Variants in APBA2 observed in about 807,000 individuals in gnomAD.
APBA2 encodes amyloid-beta A4 precursor protein-binding family A member 2.
Under a neutral mutation model 75.0 loss-of-function variants are expected in APBA2, and 30 were observed. The observed-to-expected ratio is 0.40, with a 90% CI of 0.30 to 0.54. The LOEUF is 0.54. APBA2 is among the 20% of genes least tolerant of loss of function. The pLI, the probability that APBA2 is intolerant of heterozygous loss-of-function variation, is 0.49. For missense variants in APBA2, 801 were observed against 1,016.1 expected, an observed-to-expected ratio of 0.79 and a Z score of 2.88; for synonymous variants, 444 against 409.6, an observed-to-expected ratio of 1.08 and a Z score of -1.01.
chr15:28,985,119 A>G (rs1287559493), intron 2 of APBA2, among the ~76,000 whole-genome samples: 1 of 152,002 alleles, frequency 6.6e-6, no homozygotes, highest in Non-Finnish European at 1.5e-5. Flanking sequence ...TGGTGACATC[A>G]CACCCTTCAG....
At chr15:29,045,684 GA>G (rs2041289423) in intron 3 of APBA2, among the ~76,000 whole-genome samples, 1 of 152,150 alleles carries the variant, frequency 6.6e-6, no homozygotes, top group African/African-American at 2.4e-5. Flanking sequence ...ATGCAAAAGA[GA>G]TGCACAGATA....
chr15:29,016,046 CAA>C (rs1365261687), intron 3 of APBA2, among the ~76,000 whole-genome samples: 1 of 152,190 alleles, frequency 6.6e-6, no homozygotes, highest in Non-Finnish European at 1.5e-5. Flanking sequence ...ATCACAAGGT[CAA>C]GAGATCGAGA....
At chr15:28,946,205 G>A (rs867886836) in intron 2 of APBA2, among the ~76,000 whole-genome samples, 4 of 152,212 alleles carry the variant, frequency 2.6e-5, no homozygotes, top group African/African-American at 9.6e-5. Flanking sequence ...TAGCTGTGGC[G>A]CCTGTAAATC....
At chr15:29,006,807 C>T (rs1443944842) in intron 3 of APBA2, among the ~76,000 whole-genome samples, 6 of 152,254 alleles carry the variant, frequency 3.9e-5, no homozygotes, top group South Asian at 2.1e-4. Context: ...CAAGATTTGG[C>T]GTGGGACATA....
chr15:28,984,830 C>T (rs571509225), intron 2 of APBA2, among the ~76,000 whole-genome samples: 2 of 149,748 alleles, frequency 1.3e-5, no homozygotes, highest in Non-Finnish European at 3.0e-5. Context: ...ACTGCCATCT[C>T]TGGAGGTTGG....
At chr15:29,003,372 C>T (rs1342545506) in intron 3 of APBA2, among the ~76,000 whole-genome samples, 1 of 152,208 alleles carries the variant, frequency 6.6e-6, no homozygotes, top group Admixed American at 6.5e-5. Flanking sequence ...GCTTCAAAAG[C>T]TAATGCAGGT....
chr15:28,928,820 A>G (rs1209715945), intron 2 of APBA2, among the ~76,000 whole-genome samples: 1 of 152,074 alleles, frequency 6.6e-6, no homozygotes, highest in African/African-American at 2.4e-5. Context: ...AGCCCATGAA[A>G]GTTTTGGGCC....
chr15:29,014,899 C>G (rs1440669981), intron 3 of APBA2, among the ~76,000 whole-genome samples: 3 of 152,106 alleles, frequency 2.0e-5, no homozygotes, highest in Non-Finnish European at 4.4e-5. Context: ...GAAACATCTA[C>G]ATGTGTTTTT....
rs534368342 is a variant in APBA2, at chr15:29,072,205, T to C, written c.952-2716T>C. Among the ~76,000 whole-genome samples, 295 of 152,286 alleles carry C rather than the reference T, an allele frequency of 1.9e-3. 3 individuals carry two copies. The highest frequency in any genetic ancestry group is 0.014 in the Middle Eastern group (4 of 294). ...TTTGCTGGTGGGCTGGTTGATTTCT[T>C]TGGGGTTTTTTTGGAGATGACCAGC... On this transcript the variant is annotated intron_variant, in intron 4 of 14. Transcript: ENST00000683413.
chr15:28,925,261 G>A (rs545448155), intron 2 of APBA2, among the ~76,000 whole-genome samples: 19 of 152,238 alleles, frequency 1.2e-4, no homozygotes, highest in African/African-American at 3.6e-4. Context: ...CTTTTTAAAC[G>A]TTGTTAGATT....
At chr15:28,913,369 G>A (rs1172923749) in intron 1 of APBA2, among the ~76,000 whole-genome samples, 1 of 152,170 alleles carries the variant, frequency 6.6e-6, no homozygotes, top group African/African-American at 2.4e-5. Context: ...GCAGTGGCCC[G>A]TGCCCACCAC....
intron 3 of APBA2, among the ~76,000 whole-genome samples, chr15:29,005,363 C>T (rs1305329215): frequency 1.3e-5 from 2 of 152,060 alleles, no homozygotes; most frequent in East Asian, 1.9e-4. Flanking sequence ...TGGGCTCAAG[C>T]GGTCCTCCCA....
intron 3 of APBA2, among the ~76,000 whole-genome samples, chr15:29,049,283 G>T (rs1047982734): frequency 6.6e-6 from 1 of 152,170 alleles, no homozygotes; most frequent in Admixed American, 6.5e-5. Flanking sequence ...AATCACTGGG[G>T]TAACCATCGT....
At chr15:29,080,650 A>G (rs2043047168) in intron 6 of APBA2, among the ~76,000 whole-genome samples, 1 of 152,164 alleles carries the variant, frequency 6.6e-6, no homozygotes, top group Non-Finnish European at 1.5e-5. Flanking sequence ...CACCCTCAAG[A>G]TGTCCCCTCC....
chr15:28,926,698 C>T (rs1286936705), intron 2 of APBA2, among the ~76,000 whole-genome samples: 1 of 151,918 alleles, frequency 6.6e-6, no homozygotes, highest in Non-Finnish European at 1.5e-5. Context: ...ACGTTTATTT[C>T]AGGGTATATA....
chr15:28,994,302 G>C (rs2038391406), intron 2 of APBA2, among the ~76,000 whole-genome samples: 1 of 152,168 alleles, frequency 6.6e-6, no homozygotes, highest in Admixed American at 6.5e-5. Flanking sequence ...AGCAGCCCAT[G>C]CTGACTCCAC....
At chr15:28,957,891 C>T (rs1304299069) in intron 2 of APBA2, among the ~76,000 whole-genome samples, 2 of 152,190 alleles carry the variant, frequency 1.3e-5, no homozygotes, top group Non-Finnish European at 2.9e-5. Flanking sequence ...GGAGCACCAT[C>T]TGGTTTGATG....
chr15:28,940,340 G>A (rs1264817618), intron 2 of APBA2, among the ~76,000 whole-genome samples: 35 of 107,984 alleles, frequency 3.2e-4, no homozygotes, highest in Non-Finnish European at 4.4e-4. Context: ...GTGAAACCCC[G>A]TCTCTACTAA....
At chr15:29,085,079 G>A (rs1479299647) in intron 6 of APBA2, among the ~76,000 whole-genome samples, 1 of 151,902 alleles carries the variant, frequency 6.6e-6, no homozygotes, top group African/African-American at 2.4e-5. Flanking sequence ...GCCAAATGGT[G>A]GTGTTCTAAT....
Sources: gnomAD v4.1 joint callset for allele counts (sites outside exome capture counted in the v4.1 genomes callset) on GRCh38, gnomAD v4.1.1 for gene constraint, MANE v1.5 for transcripts, NCBI Gene and HGNC (gene_info 2026-07-23, HGNC 2026-07-21) for gene names.